Variants in IP6K1 observed in about 807,000 individuals in gnomAD.
The protein encoded by IP6K1 is inositol hexakisphosphate kinase 1.
IP6K1 carries 13 observed loss-of-function variants against 38.3 expected under a neutral mutation model. The observed-to-expected ratio is 0.34, with a 90% CI of 0.22 to 0.54. The LOEUF (loss-of-function observed/expected upper bound fraction) is 0.54, where lower values mean the gene tolerates loss of function less well. Among genes scored for constraint, IP6K1 ranks in the 20% least tolerant of loss-of-function variants. The pLI is 0.92. For synonymous variants in IP6K1, 212 were observed against 229.9 expected, an observed-to-expected ratio of 0.92 and a Z score of 0.70; for missense variants, 397 against 599.8, an observed-to-expected ratio of 0.66 and a Z score of 3.53.
intron 1 of IP6K1, among the ~76,000 whole-genome samples, chr3:49,777,575 A>G (rs2081028332): frequency 6.6e-6 from 1 of 151,962 alleles, no homozygotes; most frequent in Non-Finnish European, 1.5e-5. Flanking sequence ...AAAAAAAAGA[A>G]AAAAAGAAAA....
intron 2 of IP6K1, among the ~76,000 whole-genome samples, chr3:49,740,225 A>ATCCTTTTTTT (rs1553693842): frequency 7.6e-6 from 1 of 130,816 alleles, no homozygotes. Context: ...AAAATTTGCA[A>ATCCTTTTTTT]TTCTTTTTTT....
intron 1 of IP6K1, among the ~76,000 whole-genome samples, chr3:49,753,219 A>G (rs1179302799): frequency 6.6e-6 from 1 of 152,124 alleles, no homozygotes; most frequent in Non-Finnish European, 1.5e-5. Flanking sequence ...GATGTTCCTC[A>G]AACACATCAG....
chr3:49,752,209 C>T (rs1416701833), intron 1 of IP6K1, among the ~76,000 whole-genome samples: 1 of 151,902 alleles, frequency 6.6e-6, no homozygotes, highest in Admixed American at 6.6e-5. Flanking sequence ...CAGGGTTGGC[C>T]GGGTGCAGTG....
intron 3 of IP6K1, 111 bp from the exon 4 acceptor site, chr3:49,733,083 A>G (rs1444986218): frequency 1.4e-6 from 1 of 704,070 alleles, no homozygotes; most frequent in Non-Finnish European, 2.3e-6. Context: ...AGACCCTGCT[A>G]ATGGGTTGCA....
At chr3:49,785,277 G>GC (rs200837717) in intron 1 of IP6K1, among the ~76,000 whole-genome samples, 3,688 of 152,034 alleles carry the variant, frequency 0.024, 58 homozygotes, top group Middle Eastern at 0.038. Context: ...GGAGGCCAAG[G>GC]GGGGTGGATC....
chr3:49,765,661 AAAAG>A (rs1480611844), intron 1 of IP6K1, among the ~76,000 whole-genome samples: 1 of 151,126 alleles, frequency 6.6e-6, no homozygotes, highest in Non-Finnish European at 1.5e-5. Flanking sequence ...AAAAAAAAAA[AAAAG>A]GGCCGCTGTC....
At chr3:49,733,226 C>A (rs551768939) in intron 3 of IP6K1, among the ~76,000 whole-genome samples, 3 of 150,968 alleles carry the variant, frequency 2.0e-5, no homozygotes, top group Non-Finnish European at 4.4e-5. Context: ...GATGAAAATA[C>A]CACTTCACAT....
rs34675186 is a variant in IP6K1 at position 49,728,124 on chromosome 3, G to A, written c.771C>T (p.Gly257=). ...TCACCTGCATGCCGCAGACCCTGAC[G>A]CCCAGCGTGGCTGATGTGCTCTGCT... ...KCEQSTSATL[G]VRVCGMQVYQ... The change falls in exon 5 of 6, where the codon GGC becomes GGT. Residue 257 remains glycine, a synonymous_variant. Transcript: ENST00000321599. 21,947 of 1,613,838 alleles carry A rather than the reference G, an allele frequency of 0.014. 184 individuals carry two copies. Among genetic ancestry groups the A allele is most frequent in the Non-Finnish European group, 0.016 (18,379 of 1,179,888 alleles).
At chr3:49,780,306 T>TCACACACACACACACA (rs1405695613) in intron 1 of IP6K1, among the ~76,000 whole-genome samples, 154 of 10,858 alleles carry the variant, frequency 0.014, 5 homozygotes, top group African/African-American at 0.033. Flanking sequence ...TTATCATCTT[T>TCACACACACACACACA]CATACACACA....
chr3:49,771,757 G>C (rs1209130257), intron 1 of IP6K1, among the ~76,000 whole-genome samples: 1 of 152,074 alleles, frequency 6.6e-6, no homozygotes, highest in African/African-American at 2.4e-5. Flanking sequence ...GTTCATAAAA[G>C]CTTTACTCAT....
At chr3:49,755,583 G>C (rs957608088) in intron 1 of IP6K1, among the ~76,000 whole-genome samples, 2 of 152,064 alleles carry the variant, frequency 1.3e-5, no homozygotes, top group African/African-American at 4.8e-5. Context: ...AAAACTAATT[G>C]AACTGAAAAG....
rs371642126 is a variant in IP6K1, at chr3:49,760,194, C to T, written c.-128-12026G>A. 4.6e-5 allele frequency among the ~76,000 whole-genome samples: 7 copies of T among 152,148 alleles called. No homozygotes were observed. In the East Asian group the frequency reaches 1.2e-3, roughly 25 times the overall value. On this transcript the variant is annotated intron_variant, in intron 1 of 5. Transcript: ENST00000321599. ...TATAGGCCTGAACCACCATGCCCAGCCTAATTATTACTGTTAAGTACTTTA... is the reference window on the plus strand; with the variant it reads ...TATAGGCCTGAACCACCATGCCCAGTCTAATTATTACTGTTAAGTACTTTA...
intron 4 of IP6K1, among the ~76,000 whole-genome samples, chr3:49,731,906 G>GAAAAAA (rs2080566085): frequency 1.5e-5 from 1 of 66,824 alleles, no homozygotes; most frequent in Non-Finnish European, 3.3e-5. Context: ...AAAAAAAAAA[G>GAAAAAA]GAATTCCTAT....
At chr3:49,744,835 C>T (rs1199591225) in intron 2 of IP6K1, among the ~76,000 whole-genome samples, 1 of 152,160 alleles carries the variant, frequency 6.6e-6, no homozygotes, top group African/African-American at 2.4e-5. Context: ...CATCTAATTG[C>T]TGCTATCAGC....
intron 2 of IP6K1, 92 bp from the exon 3 acceptor site, chr3:49,738,514 G>A: frequency 2.1e-6 from 2 of 959,108 alleles, no homozygotes; most frequent in Middle Eastern, 2.1e-4. Flanking sequence ...CACACAGCAT[G>A]AAGACATCAC....
At chr3:49,781,969 T>C (rs2081069559) in intron 1 of IP6K1, among the ~76,000 whole-genome samples, 1 of 151,826 alleles carries the variant, frequency 6.6e-6, no homozygotes, top group South Asian at 2.1e-4. Context: ...TGTGCCCACC[T>C]GTAGTTCCAG....
chr3:49,739,739 G>C (rs1043028057), intron 2 of IP6K1, among the ~76,000 whole-genome samples: 4 of 151,888 alleles, frequency 2.6e-5, no homozygotes, highest in Non-Finnish European at 5.9e-5. Flanking sequence ...CTACAACCTC[G>C]AACTCCTGGA....
At chr3:49,738,575 T>A (rs1435497141) in intron 2 of IP6K1, among the ~76,000 whole-genome samples, 153 bp from the exon 3 acceptor site, 1 of 152,184 alleles carries the variant, frequency 6.6e-6, no homozygotes, top group African/African-American at 2.4e-5. Context: ...CAGCAGACAG[T>A]AACTTCCAGA....
intron 3 of IP6K1, 41 bp downstream of exon 3, chr3:49,738,171 T>C (rs368216767): frequency 6.6e-6 from 10 of 1,519,702 alleles, no homozygotes; most frequent in South Asian, 1.1e-5. Flanking sequence ...TGGAGACGTC[T>C]TGAGTGCTTG....
Sources: allele counts gnomAD v4.1 joint callset (sites outside exome capture counted in the v4.1 genomes callset), GRCh38; gene constraint gnomAD v4.1.1; transcripts MANE v1.5; gene names NCBI Gene and HGNC (gene_info 2026-07-23, HGNC 2026-07-21).